Variants in SEMA3F observed in about 807,000 individuals in gnomAD.
SEMA3F encodes the protein semaphorin 3F.
Under a neutral mutation model 98.5 loss-of-function variants are expected in SEMA3F, and 30 were observed. That is an observed-to-expected ratio of 0.30 (90% CI 0.23 to 0.41). The LOEUF (loss-of-function observed/expected upper bound fraction) is 0.41. Among genes scored for constraint, SEMA3F ranks in the 10% least tolerant of loss-of-function variants. The pLI, the probability that SEMA3F is intolerant of heterozygous loss-of-function variation, is 1.00. For synonymous variants in SEMA3F, 380 were observed against 444.8 expected, an observed-to-expected ratio of 0.85 and a Z score of 1.83; for missense variants, 866 against 1,119.3, an observed-to-expected ratio of 0.77 and a Z score of 3.23.
At position 50,182,409 on chromosome 3, in the gene SEMA3F, C is replaced by T. The variant is rs748915803; in HGVS notation, c.763+6C>T. 4 of 1,613,360 alleles carry T rather than the reference C, an allele frequency of 2.5e-6. No homozygotes were observed. Among genetic ancestry groups the T allele is most frequent in the African/African-American group, 1.3e-5 (1 of 75,046 alleles). On this transcript the variant is annotated splice_donor_region_variant and intron_variant, in intron 8 of 18. Transcript: ENST00000002829. This position sits in a 1 kb window ranked among gnomAD's most constrained non-coding sequence, Gnocchi z 4.5. Reference sequence around the variant, plus strand: ...CAACTCCCGGTGGCTGAACGGTAAGCGCAGCCCCAGGAGCCCTTCCGTGGC... The same window carrying T: ...CAACTCCCGGTGGCTGAACGGTAAGTGCAGCCCCAGGAGCCCTTCCGTGGC...
At chr3:50,160,295 G>A (rs1698156381) in intron 2 of SEMA3F, among the ~76,000 whole-genome samples, 1 of 152,176 alleles carries the variant, frequency 6.6e-6, no homozygotes, top group Admixed American at 6.5e-5. Context: ...CAGGGAGGCC[G>A]CCGGTGGGTT....
intron 2 of SEMA3F, among the ~76,000 whole-genome samples, chr3:50,169,853 A>G (rs1225030312): frequency 6.6e-6 from 1 of 152,096 alleles, no homozygotes; most frequent in Non-Finnish European, 1.5e-5. Context: ...CCTGTCCCTT[A>G]AGGGAGCTGG....
At chr3:50,168,580 C>T (rs1264161939) in intron 2 of SEMA3F, among the ~76,000 whole-genome samples, 1 of 152,170 alleles carries the variant, frequency 6.6e-6, no homozygotes, top group Non-Finnish European at 1.5e-5. Context: ...CTGGGGTTCC[C>T]GGGGTTGTAG....
chr3:50,169,511 C>T (rs1698523235), intron 2 of SEMA3F, among the ~76,000 whole-genome samples: 1 of 152,202 alleles, frequency 6.6e-6, no homozygotes, highest in Non-Finnish European at 1.5e-5. Flanking sequence ...CCCCTCCCAA[C>T]CTGTGCCCAG....
At chr3:50,175,047 C>T in intron 5 of SEMA3F, 49 bp from the exon 6 acceptor site, 1 of 1,357,572 alleles carries the variant, frequency 7.4e-7, no homozygotes, top group Non-Finnish European at 1.0e-6. Flanking sequence ...AGCCCGCTCC[C>T]CCAGCCCCTG....
At position 50,185,904 on chromosome 3, in the gene SEMA3F, G is replaced by T; in HGVS notation, c.1603G>T (p.Ala535Ser). 2.5e-6 allele frequency: 4 copies of T among 1,612,506 alleles called. No individual in the cohort carries two copies. The highest frequency in any genetic ancestry group is 3.4e-6 in the Non-Finnish European group (4 of 1,178,922). ...TTTGCCCCAGCAACAACTCTACGTG[G>T]CGTCAGCCGTGGGTGTCACACACCT... ...ISSKRQQLYV[A>S]SAVGVTHLSL... The change falls in exon 16 of 19, where the codon GCG becomes TCG. Residue 535 changes from alanine (A) to serine (S), a missense_variant. Ala to Ser is a moderately conservative substitution (Grantham distance 99, BLOSUM62 1). Transcript: ENST00000002829.
At chr3:50,160,497 G>C (rs570511860) in intron 2 of SEMA3F, among the ~76,000 whole-genome samples, 1 of 152,350 alleles carries the variant, frequency 6.6e-6, no homozygotes, top group African/African-American at 2.4e-5. Context: ...GTGTACAAAT[G>C]GCTCACTCGA....
chr3:50,183,470 G>T lies in SEMA3F; in HGVS notation c.1139G>T (p.Arg380Leu). 5.0e-6 allele frequency: 8 copies of T among 1,614,064 alleles called. No individual in the cohort carries two copies. The highest frequency in any genetic ancestry group is 5.1e-6 in the Non-Finnish European group (6 of 1,179,994). The change falls in exon 12 of 19, where the codon CGC becomes CTC. Residue 380 changes from arginine to leucine, a missense_variant. By Grantham distance (102) the Arg-to-Leu change is moderately radical. This residue lies in a region of SEMA3F where 374 missense variants were observed against 582.8 expected (regional missense o/e 0.64). Coordinates refer to ENST00000002829, the MANE Select transcript of SEMA3F (RefSeq NM_004186.5). ...TGTGTCTACTCCATGGCTGATATTC[G>T]CATGGTCTTCAACGGGCCCTTTGCC... ...AVCVYSMADI[R>L]MVFNGPFAHK...
At chr3:50,187,528 G>A (rs1281470334) in intron 18 of SEMA3F, among the ~76,000 whole-genome samples, 177 bp from the exon 19 acceptor site, 1 of 151,448 alleles carries the variant, frequency 6.6e-6, no homozygotes, top group African/African-American at 2.4e-5. Context: ...AATCTGTACA[G>A]ATGCCTTATT....
rs772027459 is a variant in SEMA3F at position 50,186,637 on chromosome 3, T to C, written c.1838T>C (p.Val613Ala). The C allele has an allele frequency of 7.5e-6, 12 of 1,605,858 alleles. No individual in the cohort carries two copies. Among genetic ancestry groups the C allele is most frequent in the Non-Finnish European group, 5.1e-6 (6 of 1,173,366 alleles). Residue 613 changes from valine to alanine, a missense_variant, in exon 18 of 19, where the codon GTG (valine) becomes GCG (alanine). Coordinates refer to ENST00000002829, the MANE Select transcript of SEMA3F (RefSeq NM_004186.5). ...SNANKNAVES[V>A]QYGVAGSAAF... ...GCCAACAAGAATGCCGTGGAGTCTG[T>C]GCAGTATGGCGTGGCCGGCAGCGCA... is the stretch of plus-strand genomic sequence containing the variant.
Position 50,182,427 on chromosome 3 carries a change from T to A in SEMA3F, c.763+24T>A, listed in dbSNP as rs760778436. 9 of 1,612,342 alleles carry A rather than the reference T, an allele frequency of 5.6e-6. No individual in the cohort carries two copies. Among genetic ancestry groups the A allele is most frequent in the Non-Finnish European group, 6.8e-6 (8 of 1,179,944 alleles). Reference sequence around the variant, plus strand: ...CGGTAAGCGCAGCCCCAGGAGCCCTTCCGTGGCCATGTGTCTGGGATGCGG... The same window carrying A: ...CGGTAAGCGCAGCCCCAGGAGCCCTACCGTGGCCATGTGTCTGGGATGCGG... On this transcript the variant is annotated intron_variant, in intron 8 of 18. Coordinates refer to ENST00000002829, the MANE Select transcript of SEMA3F (RefSeq NM_004186.5). This position sits in a 1 kb window ranked among gnomAD's most constrained non-coding sequence, Gnocchi z 4.5.
intron 2 of SEMA3F, chr3:50,173,236 G>A (rs1698678461): frequency 6.4e-6 from 1 of 156,014 alleles, no homozygotes; most frequent in African/African-American, 2.4e-5. Context: ...CACTTTGGGA[G>A]GCTGAGACAG....
intron 2 of SEMA3F, 139 bp downstream of exon 2, chr3:50,159,873 G>A (rs1428118035): frequency 3.1e-6 from 2 of 647,538 alleles, no homozygotes; most frequent in Non-Finnish European, 5.4e-6. Context: ...GGGGAGAAGG[G>A]AGACCGGGGA....
intron 2 of SEMA3F, among the ~76,000 whole-genome samples, chr3:50,162,735 C>T (rs1300319222): frequency 6.6e-6 from 1 of 152,110 alleles, no homozygotes; most frequent in East Asian, 1.9e-4. Flanking sequence ...CCACGACACA[C>T]TGCTGCTGCC....
In SEMA3F at chr3:50,166,020, C is replaced by G. The variant is rs545727191; in HGVS notation, c.112+6286C>G. Among the ~76,000 whole-genome samples, 1 of 152,180 alleles carries G rather than the reference C, an allele frequency of 6.6e-6. No individual in the cohort carries two copies. Among genetic ancestry groups the G allele is most frequent in the African/African-American group, 2.4e-5 (1 of 41,448 alleles). ...GGCTATCTGGTGCATCTCTGCAGGG[C>G]AAAGACAGACCCAAAGCAACCGGCC... is the stretch of plus-strand genomic sequence containing the variant. On this transcript the variant is annotated intron_variant, in intron 2 of 18. Coordinates refer to ENST00000002829, the MANE Select transcript of SEMA3F (RefSeq NM_004186.5). The surrounding 1 kb of genome is among the most constrained non-coding windows in gnomAD (Gnocchi z 4.7).
At position 50,187,922 on chromosome 3, in the gene SEMA3F, C is replaced by T. The variant is rs749838132; in HGVS notation, c.2165C>T (p.Pro722Leu). Reference protein sequence around the residue: ...MSAPPPPGAGPPTPPYQELAQ... With the variant: ...MSAPPPPGAGLPTPPYQELAQ... The stretch of plus-strand genomic sequence containing the variant: ...GCCCCGCCACCCCCAGGCGCAGGCC[C>T]CCCAACGCCTCCTTACCAGGAGTTA... The change falls in exon 19 of 19, where the codon CCC (proline) becomes CTC (leucine). Residue 722 changes from proline (P) to leucine (L), a missense_variant. Transcript: ENST00000002829. The T allele has an allele frequency of 3.7e-6, 6 of 1,608,290 alleles. No individual in the cohort carries two copies. Among genetic ancestry groups the T allele is most frequent in the Non-Finnish European group, 1.7e-6 (2 of 1,177,182 alleles).
intron 6 of SEMA3F, among the ~76,000 whole-genome samples, chr3:50,175,916 T>C (rs192370342): frequency 6.6e-6 from 1 of 152,246 alleles, no homozygotes; most frequent in African/African-American, 2.4e-5. Context: ...AGTGTGTAGC[T>C]GGAAGTAGGC....
chr3:50,173,870 G>T lies in SEMA3F; in HGVS notation c.190G>T (p.Glu64Ter). 6.2e-7 allele frequency: 1 copy of T among 1,614,114 alleles called. No individual in the cohort carries two copies. Among genetic ancestry groups the T allele is most frequent in the Non-Finnish European group, 8.5e-7 (1 of 1,180,018 alleles). ...CGACTACCGAATCTTGCTCAAGGAC[G>T]AGGACCACGACCGCATGTACGTGGG... ...TTDYRILLKD[E>*]DHDRMYVGSK... Residue 64 changes from glutamate to a stop codon, truncating the protein, a stop_gained, in exon 3 of 19, where the codon GAG becomes TAG. Coordinates refer to ENST00000002829, the MANE Select transcript of SEMA3F (RefSeq NM_004186.5). LOFTEE classifies it high-confidence loss of function.
chr3:50,159,825 A>G (rs1299840616), intron 2 of SEMA3F, 91 bp downstream of exon 2: 1 of 865,744 alleles, frequency 1.2e-6, no homozygotes, highest in Non-Finnish European at 1.9e-6. Context: ...GTGGGTCAGG[A>G]CAAAACCAGG....
Sources: gnomAD v4.1 joint callset for allele counts (sites outside exome capture counted in the v4.1 genomes callset) on GRCh38, gnomAD v4.1.1 for gene constraint, gnomAD v4.1.1 regional missense constraint, Gnocchi (gnomAD v3.1) non-coding constraint, MANE v1.5 for transcripts, NCBI Gene and HGNC (gene_info 2026-07-23, HGNC 2026-07-21) for gene names.